The following CFLAR variants were observed in gnomAD, a reference collection of about 807,000 sequenced individuals.
CFLAR encodes the protein CASP8 and FADD-like apoptosis regulator.
A neutral mutation model predicts 51.1 loss-of-function variants in CFLAR; 14 were observed. The ratio of observed to expected loss-of-function variants is 0.27; its 90% CI spans 0.18 to 0.43. The LOEUF is 0.43. Ranked by LOEUF, CFLAR falls within the 20% of genes least tolerant of loss-of-function variation. The probability of loss-of-function intolerance (pLI) is 1.00; values close to 1 mark genes in which losing one functional copy is unlikely to be tolerated. For missense variants in CFLAR, 390 were observed against 566.5 expected (o/e 0.69, Z 3.16); for synonymous variants, 210 against 211.6 (o/e 0.99, Z 0.06).
chr2:201,157,006 G>C (rs1942286966), intron 8 of CFLAR, among the ~76,000 whole-genome samples: 1 of 152,222 alleles, frequency 6.6e-6, no homozygotes, highest in Non-Finnish European at 1.5e-5. Context: ...TCCTAAGAGA[G>C]AGATTCCATG....
At position 201,138,446 on chromosome 2, in the gene CFLAR, T is replaced by C; in HGVS notation, c.524-1911T>C. 2.3e-6 allele frequency: 2 copies of C among 851,470 alleles called. No individual in the cohort carries two copies. Among genetic ancestry groups the C allele is most frequent in the Non-Finnish European group, 4.1e-6 (2 of 491,650 alleles). 52.7% of individuals were successfully genotyped at this position (851,470 alleles called of 1,614,324 possible). Reference sequence around the variant, plus strand: ...ATTGACGATAGGCAGCTTCCTTTCTTACTAAGCTGCAGGATCTCATTTGCC... The same window carrying C: ...ATTGACGATAGGCAGCTTCCTTTCTCACTAAGCTGCAGGATCTCATTTGCC... On this transcript the variant is annotated intron_variant, in intron 4 of 9. Transcript: ENST00000309955. This position sits in a 1 kb window ranked among gnomAD's most constrained non-coding sequence, Gnocchi z 4.0.
intron 1 of CFLAR, among the ~76,000 whole-genome samples, chr2:201,127,588 C>T (rs765948207): frequency 6.6e-6 from 1 of 152,118 alleles, no homozygotes; most frequent in Non-Finnish European, 1.5e-5. Context: ...GGTGATTATT[C>T]GGACCCCAGC....
At chr2:201,128,241 G>A (rs1414265576) in intron 1 of CFLAR, among the ~76,000 whole-genome samples, 1 of 152,032 alleles carries the variant, frequency 6.6e-6, no homozygotes, top group Non-Finnish European at 1.5e-5. Context: ...CCTTTTCATG[G>A]AAGCTGATGA....
intron 1 of CFLAR, among the ~76,000 whole-genome samples, chr2:201,121,424 G>A (rs2048176848): frequency 6.6e-6 from 1 of 152,178 alleles, no homozygotes; most frequent in South Asian, 2.1e-4. Flanking sequence ...GGAATGTAAA[G>A]GAACCTAGAA....
intron 2 of CFLAR, chr2:201,132,630 A>G (rs1264362485): frequency 6.3e-6 from 1 of 158,748 alleles, no homozygotes; most frequent in Admixed American, 6.4e-5. Context: ...TTGAATCAAC[A>G]TCACCTGAGA....
chr2:201,136,105 C>G lies in CFLAR; in HGVS notation c.521C>G (p.Ser174Cys), dbSNP rs1178566045. The G allele has an allele frequency of 1.9e-6, 3 of 1,613,714 alleles. No individual in the cohort carries two copies. The Admixed American group carries it at 5.0e-5, about 27-fold the overall frequency. Residue 174 changes from serine to cysteine, a missense_variant and splice_region_variant, in exon 4 of 10, where the codon TCT becomes TGT. This residue lies in a region of CFLAR where 287 missense variants were observed against 363.6 expected (regional missense o/e 0.79). Coordinates refer to ENST00000309955, the MANE Select transcript of CFLAR (RefSeq NM_003879.7). The part of the protein sequence containing the change: ...LKTKIQKYKQ[S>C]VQGAGTSYRN... ...ACAAAAATCCAGAAGTACAAGCAGT[C>G]TGGTAAGAATTTTGGCCTCTCAGTG...
At chr2:201,127,014 G>C (rs2048778175) in intron 1 of CFLAR, among the ~76,000 whole-genome samples, 1 of 152,176 alleles carries the variant, frequency 6.6e-6, no homozygotes, top group African/African-American at 2.4e-5. Flanking sequence ...AAAAGAAGGG[G>C]AGATATAGTC....
At chr2:201,130,176 TG>T in intron 2 of CFLAR, 30 bp downstream of exon 2, 7 of 66,692 alleles carry the variant, frequency 1.0e-4, no homozygotes, top group Non-Finnish European at 2.0e-4. Flanking sequence ...TGAGGCTGGG[TG>T]GGTGGGAGGG....
intron 4 of CFLAR, chr2:201,137,888 G>A (rs561057733): frequency 2.8e-5 from 22 of 784,092 alleles, no homozygotes; most frequent in South Asian, 6.7e-5. Context: ...CCATGGTGGC[G>A]GCCAGCAGGG....
At chr2:201,137,178 G>A (rs2050247455) in intron 4 of CFLAR, 2 of 201,110 alleles carry the variant, frequency 9.9e-6, no homozygotes. Context: ...TGCCCTATAG[G>A]AGAAGCCAGG....
At chr2:201,148,706 A>G (rs1329234745) in intron 6 of CFLAR, 6 of 325,728 alleles carry the variant, frequency 1.8e-5, no homozygotes, top group Non-Finnish European at 3.5e-5. Flanking sequence ...CTATCAAGTT[A>G]AAAACTCACC....
Position 201,165,251 on chromosome 2 carries a change from T to TTAG in CFLAR, c.*1280_*1281insGTA, listed in dbSNP as rs1024852974. 1 of 74,388 alleles carries TTAG rather than the reference T, an allele frequency of 1.3e-5. No individual in the cohort carries two copies. The highest frequency in any genetic ancestry group is 3.6e-5 in the African/African-American group (1 of 27,810). 4.6% of individuals were successfully genotyped at this position (74,388 alleles called of 1,614,324 possible). Reference sequence around the variant, plus strand: ...ATATCATTAGAGTTGCTTATTATTATTATTATTATTATTATTATTATTATT... The same window carrying TTAG: ...ATATCATTAGAGTTGCTTATTATTATTAGTATTATTATTATTATTATTATTATT... On this transcript the variant is annotated 3_prime_UTR_variant, in exon 10 of 10. Transcript: ENST00000309955.
At position 201,164,953 on chromosome 2, in the gene CFLAR, GTA is replaced by G. The variant is rs1385628359; in HGVS notation, c.*984_*985del. On this transcript the variant is annotated 3_prime_UTR_variant, in exon 10 of 10. Transcript: ENST00000309955. ...AGAAAAAGAGGATGCAAACTCTCAA[GTA>G]TATCTTTAAGGGCACAAATTCCATT... The G allele has an allele frequency of 6.6e-6, 1 of 152,094 alleles. No individual in the cohort carries two copies. The highest frequency in any genetic ancestry group is 1.5e-5 in the Non-Finnish European group (1 of 68,042). 9.4% of individuals were successfully genotyped at this position (152,094 alleles called of 1,614,324 possible). A position where few individuals can be genotyped will look rare whatever the true frequency, so the allele number is the denominator to read the frequency against.
intron 8 of CFLAR, chr2:201,157,804 G>C (rs2268791): frequency 0.47 from 71,686 of 152,090 alleles, 17,197 homozygotes; most frequent in Non-Finnish European, 0.51. Context: ...TCTTGCTGGC[G>C]CAATAAAGTT....
At position 201,171,752 on chromosome 2, in the gene CFLAR, T is replaced by C. The variant is rs1321485051; in HGVS notation, c.*7779T>C. On this transcript the variant is annotated 3_prime_UTR_variant, in exon 10 of 10. Coordinates refer to ENST00000309955, the MANE Select transcript of CFLAR (RefSeq NM_003879.7). ...TTCAGTCAAACATTGGAAGTCTTTC[T>C]CTGACTGTCTAGTTGGTATCTTCAT... The C allele has an allele frequency of 6.6e-6, 1 of 152,084 alleles. No individual in the cohort carries two copies. The highest frequency in any genetic ancestry group is 6.5e-5 in the Admixed American group (1 of 15,268). The allele number at this position is 152,084 out of a possible 1,614,324, so 9.4% of individuals were successfully genotyped here. A position where few individuals can be genotyped will look rare whatever the true frequency, so the allele number is the denominator to read the frequency against.
chr2:201,139,927 G>A (rs1005993478), intron 4 of CFLAR: 4 of 169,136 alleles, frequency 2.4e-5, no homozygotes, highest in Non-Finnish European at 5.2e-5. Flanking sequence ...TCCACCTAAC[G>A]AGAAAAACCC....
Position 201,136,124 on chromosome 2 carries a change from C to G in CFLAR, c.523+17C>G. 6.2e-7 allele frequency: 1 copy of G among 1,612,554 alleles called. No individual in the cohort carries two copies. The highest frequency in any genetic ancestry group is 1.3e-5 in the African/African-American group (1 of 74,942). On this transcript the variant is annotated intron_variant, in intron 4 of 9. Transcript: ENST00000309955. ...AGCAGTCTGGTAAGAATTTTGGCCTCTCAGTGGTCTAGGGGAAGTACTCTG... is the reference window on the plus strand; with the variant it reads ...AGCAGTCTGGTAAGAATTTTGGCCTGTCAGTGGTCTAGGGGAAGTACTCTG...
At chr2:201,162,945 T>C in intron 9 of CFLAR, 1 of 698,752 alleles carries the variant, frequency 1.4e-6, no homozygotes, top group Non-Finnish European at 2.6e-6. Flanking sequence ...GAAGTAAGTA[T>C]TAAACATCCT....
At chr2:201,145,102 C>T (rs1024004341) in intron 5 of CFLAR, among the ~76,000 whole-genome samples, 1 of 152,198 alleles carries the variant, frequency 6.6e-6, no homozygotes, top group Non-Finnish European at 1.5e-5. Flanking sequence ...ATCCACCCAC[C>T]TTGGCATCCC....
Sources: gnomAD v4.1 joint callset for allele counts (sites outside exome capture counted in the v4.1 genomes callset) on GRCh38, gnomAD v4.1.1 for gene constraint, gnomAD v4.1.1 regional missense constraint, Gnocchi (gnomAD v3.1) non-coding constraint, MANE v1.5 for transcripts, NCBI Gene and HGNC (gene_info 2026-07-23, HGNC 2026-07-21) for gene names.